The following FAM178B variants were observed in gnomAD, a reference collection of about 807,000 sequenced individuals.
FAM178B encodes protein FAM178B.
FAM178B carries 82 observed loss-of-function variants against 91.7 expected under a neutral mutation model. The ratio of observed to expected loss-of-function variants is 0.89; its 90% confidence interval spans 0.75 to 1.07. FAM178B has a LOEUF of 1.07. Ranked by LOEUF, FAM178B falls within the 50% of genes least tolerant of loss-of-function variation. The pLI is 0.00. For synonymous variants in FAM178B, 368 were observed against 359.4 expected, an observed-to-expected ratio of 1.02 and a Z score of -0.27; for missense variants, 769 against 846.7, an observed-to-expected ratio of 0.91 and a Z score of 1.14.
At chr2:96,894,973 A>G (rs1311030226) in intron 13 of FAM178B, 28 of 1,133,450 alleles carry the variant, frequency 2.5e-5, no homozygotes, top group Admixed American at 4.9e-5. Flanking sequence ...CCTCCCTTGC[A>G]TCCCTCTCTT....
At chr2:96,955,682 AAAAT>A (rs979431052) in intron 6 of FAM178B, among the ~76,000 whole-genome samples, 2 of 152,270 alleles carry the variant, frequency 1.3e-5, no homozygotes, top group Non-Finnish European at 2.9e-5. Context: ...CTTCGTTCCA[AAAAT>A]AAATAAATAA....
intron 3 of FAM178B, 45 bp downstream of exon 3, chr2:96,971,856 G>A: frequency 6.9e-7 from 1 of 1,440,602 alleles, no homozygotes; most frequent in Non-Finnish European, 9.2e-7. Context: ...GGTGGCTAAA[G>A]ATGGGTAGCC....
At chr2:96,983,121 T>G (rs543332473) in intron 1 of FAM178B, among the ~76,000 whole-genome samples, 3 of 151,608 alleles carry the variant, frequency 2.0e-5, no homozygotes, top group Non-Finnish European at 4.4e-5. Context: ...GATCAAACAA[T>G]CCTCCTGCCT....
rs116444825 is a variant in FAM178B at position 96,878,955 on chromosome 2, C to T, written c.1777-462G>A. Among the ~76,000 whole-genome samples the T allele has an allele frequency of 9.5e-3, 1,440 of 152,268 alleles. 34 individuals carry two copies. The highest frequency in any genetic ancestry group is 0.033 in the African/African-American group (1,371 of 41,544). On this transcript the variant is annotated intron_variant, in intron 14 of 16. Coordinates refer to ENST00000490605, the MANE Select transcript of FAM178B (RefSeq NM_001122646.3). ...AGGAGGCAGATGGAGAGATGGGAGC[C>T]GAAGGTTTTGGCTGAGCGTCTGCAC...
intron 5 of FAM178B, among the ~76,000 whole-genome samples, chr2:96,960,861 G>C (rs1235240964): frequency 6.6e-6 from 1 of 152,204 alleles, no homozygotes; most frequent in Admixed American, 6.5e-5. Context: ...GCCCAGGAGA[G>C]GAGCGCTGGG....
chr2:96,896,962 G>A (rs1296503303), intron 13 of FAM178B, among the ~76,000 whole-genome samples: 1 of 152,160 alleles, frequency 6.6e-6, no homozygotes, highest in African/African-American at 2.4e-5. Context: ...CACCTCCTGG[G>A]CTCAAGCAAT....
chr2:96,897,132 G>T (rs979841461), intron 13 of FAM178B, among the ~76,000 whole-genome samples: 4 of 152,178 alleles, frequency 2.6e-5, no homozygotes, highest in Admixed American at 2.0e-4. Context: ...CTCCCAAAGC[G>T]CTGGGATTAG....
At chr2:96,881,536 G>A (rs1022519746) in intron 14 of FAM178B, among the ~76,000 whole-genome samples, 12 of 152,120 alleles carry the variant, frequency 7.9e-5, no homozygotes, top group African/African-American at 2.4e-4. Context: ...ATGGGCTCTC[G>A]GGGGAGTCTC....
At chr2:96,928,661 G>A (rs1428031967) in intron 9 of FAM178B, among the ~76,000 whole-genome samples, 1 of 152,192 alleles carries the variant, frequency 6.6e-6, no homozygotes, top group Non-Finnish European at 1.5e-5. Flanking sequence ...CCAGAGAGTG[G>A]GGGCAGCGGG....
chr2:96,930,095 G>T (rs2153371667), intron 8 of FAM178B, among the ~76,000 whole-genome samples: 1 of 151,768 alleles, frequency 6.6e-6, no homozygotes, highest in South Asian at 2.1e-4. Context: ...GCATGAGCCT[G>T]TAGTCCCAGG....
chr2:96,912,208 C>G (rs1225236988), intron 12 of FAM178B, among the ~76,000 whole-genome samples: 1 of 152,126 alleles, frequency 6.6e-6, no homozygotes, highest in African/African-American at 2.4e-5. Flanking sequence ...GAGACATCCT[C>G]AACTAAGGCA....
intron 14 of FAM178B, among the ~76,000 whole-genome samples, chr2:96,886,282 A>G (rs1453814591): frequency 6.6e-6 from 1 of 152,130 alleles, no homozygotes; most frequent in Non-Finnish European, 1.5e-5. Flanking sequence ...CTGGCCATTC[A>G]CTGTATGCTA....
At chr2:96,920,045 GT>G (rs2081307931) in intron 12 of FAM178B, among the ~76,000 whole-genome samples, 1 of 152,148 alleles carries the variant, frequency 6.6e-6, no homozygotes, top group South Asian at 2.1e-4. Context: ...ACACAGAGGT[GT>G]CTGCCAAAGT....
chr2:96,960,356 G>T lies in FAM178B; in HGVS notation c.819C>A (p.His273Gln), dbSNP rs968890181. ...PGETVFLPRCHPLPCILDSSL... is the reference protein window; with the variant it reads ...PGETVFLPRCQPLPCILDSSL... ...AGGAGTCCAGGATGCATGGCAGGGG[G>T]TGACACCTGGGCAGAAACACAGTCT... The change falls in exon 6 of 17, where the codon CAC (histidine) becomes CAA (glutamine). Residue 273 changes from histidine to glutamine, a missense_variant. By Grantham distance (24) the His-to-Gln change is conservative. Transcript: ENST00000490605. 23 of 1,551,842 alleles carry T rather than the reference G, an allele frequency of 1.5e-5. No individual in the cohort carries two copies. Among genetic ancestry groups the T allele is most frequent in the East Asian group, 2.4e-5 (1 of 40,914 alleles).
intron 2 of FAM178B, 66 bp from the exon 3 acceptor site, chr2:96,972,388 A>G: frequency 1.4e-6 from 2 of 1,470,046 alleles, no homozygotes; most frequent in Non-Finnish European, 1.8e-6. Context: ...GTCAAGCCAC[A>G]CTGGGTAAGG....
chr2:96,955,403 C>T (rs1401451280), intron 6 of FAM178B, among the ~76,000 whole-genome samples: 2 of 151,910 alleles, frequency 1.3e-5, no homozygotes, highest in Non-Finnish European at 2.9e-5. Context: ...CCCAGCTACT[C>T]GGGAGGCTAA....
At chr2:96,971,077 G>GCACAC (rs892206004) in intron 3 of FAM178B, among the ~76,000 whole-genome samples, 3 of 151,630 alleles carry the variant, frequency 2.0e-5, no homozygotes, top group Admixed American at 6.6e-5. Flanking sequence ...ACAGGCGCCA[G>GCACAC]CACACCACAC....
At chr2:96,947,565 A>T (rs2081850672) in intron 8 of FAM178B, among the ~76,000 whole-genome samples, 1 of 152,222 alleles carries the variant, frequency 6.6e-6, no homozygotes, top group South Asian at 2.1e-4. Flanking sequence ...TGGGATCCCA[A>T]GAGCCTGTGA....
intron 8 of FAM178B, among the ~76,000 whole-genome samples, chr2:96,945,952 T>C (rs376508129): frequency 9.2e-5 from 14 of 152,296 alleles, no homozygotes; most frequent in African/African-American, 3.4e-4. Context: ...GAACTCTTTT[T>C]TCTTGCAAAA....
Sources: gnomAD v4.1 joint callset for allele counts (sites outside exome capture counted in the v4.1 genomes callset) on GRCh38, gnomAD v4.1.1 for gene constraint, MANE v1.5 for transcripts, NCBI Gene and HGNC (gene_info 2026-07-23, HGNC 2026-07-21) for gene names.